Variants in TMEM132B observed in about 807,000 individuals in gnomAD.
TMEM132B encodes transmembrane protein 132B.
In TMEM132B, 18 loss-of-function variants were observed where a neutral mutation model predicts 90.8. The observed-to-expected ratio is 0.20, with a 90% CI of 0.14 to 0.29. The LOEUF (loss-of-function observed/expected upper bound fraction) is 0.29. Among genes scored for constraint, TMEM132B ranks in the 10% least tolerant of loss-of-function variants. The pLI is 1.00. For synonymous variants in TMEM132B, 504 were observed against 523.3 expected (o/e 0.96, Z 0.50); for missense variants, 1,096 against 1,326.8 (o/e 0.83, Z 2.70).
At chr12:125,206,509 A>G (rs944640054) in intron 1 of TMEM132B, among the ~76,000 whole-genome samples, 3 of 152,096 alleles carry the variant, frequency 2.0e-5, no homozygotes, top group Non-Finnish European at 2.9e-5. Context: ...AAGTGTCGGG[A>G]TTACAGGAGT....
chr12:125,645,490 TG>T (rs1292344237), intron 6 of TMEM132B, among the ~76,000 whole-genome samples: 2 of 152,166 alleles, frequency 1.3e-5, no homozygotes, highest in Non-Finnish European at 2.9e-5. Flanking sequence ...GCTTTGAAGG[TG>T]GATTGAGCCA....
chr12:125,613,762 T>G (rs1244215443), intron 5 of TMEM132B, among the ~76,000 whole-genome samples: 1 of 152,040 alleles, frequency 6.6e-6, no homozygotes, highest in Non-Finnish European at 1.5e-5. Flanking sequence ...ATTATTATAA[T>G]TAGACTTTAT....
chr12:125,505,856 C>G (rs1274773621), intron 3 of TMEM132B, among the ~76,000 whole-genome samples: 2 of 152,118 alleles, frequency 1.3e-5, no homozygotes, highest in Non-Finnish European at 2.9e-5. Context: ...CCTCAGGGCC[C>G]TGTGTGACGA....
chr12:125,433,303 C>T (rs984641338), intron 3 of TMEM132B, among the ~76,000 whole-genome samples: 6 of 152,090 alleles, frequency 3.9e-5, no homozygotes, highest in East Asian at 1.9e-4. Flanking sequence ...TGGAACGTCA[C>T]GGTCATCGGG....
Position 125,350,193 on chromosome 12 carries a change from AC to A in TMEM132B, c.812del (p.Pro271GlnfsTer6). On this transcript the variant is annotated frameshift_variant, in exon 2 of 9. Coordinates refer to ENST00000682704, the MANE Select transcript of TMEM132B (RefSeq NM_001366854.1). LOFTEE classifies it high-confidence loss of function. ...ARERIGSVVV[Y>X]PTQDDLKWSL... is the part of the protein sequence containing the mutation. ...GAGAGGATTGGGAGTGTGGTGGTCTACCCAACCCAAGATGATCTGAAGTGGT... is the reference window on the plus strand; with the variant it reads ...GAGAGGATTGGGAGTGTGGTGGTCTACCAACCCAAGATGATCTGAAGTGGT... 1 of 1,614,074 alleles carries A rather than the reference AC, an allele frequency of 6.2e-7. No individual in the cohort carries two copies. Among genetic ancestry groups the A allele is most frequent in the Non-Finnish European group, 8.5e-7 (1 of 1,179,992 alleles).
intron 4 of TMEM132B, among the ~76,000 whole-genome samples, chr12:125,560,263 A>G (rs1203778479): frequency 1.3e-5 from 2 of 152,194 alleles, no homozygotes; most frequent in African/African-American, 4.8e-5. Context: ...CAACTCCAGA[A>G]TGAAGTGGTC....
intron 3 of TMEM132B, among the ~76,000 whole-genome samples, chr12:125,505,133 G>A (rs1234713869): frequency 1.5e-5 from 1 of 65,900 alleles, no homozygotes; most frequent in Non-Finnish European, 3.0e-5. Context: ...GACATAAGAA[G>A]GAACAAGAAA....
At chr12:125,334,395 G>GACTGAAA (rs56156280) in intron 1 of TMEM132B, among the ~76,000 whole-genome samples, 82,746 of 151,634 alleles carry the variant, frequency 0.55, 24,520 homozygotes, top group African/African-American at 0.77. Context: ...GGCGAGGAAG[G>GACTGAAA]GGAGAGGAGC....
intron 4 of TMEM132B, among the ~76,000 whole-genome samples, chr12:125,555,643 A>G (rs529169308): frequency 4.3e-4 from 65 of 151,730 alleles, no homozygotes; most frequent in African/African-American, 1.5e-3. Context: ...CAGCACACCA[A>G]CATGGCACAT....
chr12:125,400,226 C>G (rs912063293), intron 2 of TMEM132B, among the ~76,000 whole-genome samples: 5 of 152,162 alleles, frequency 3.3e-5, no homozygotes, highest in Non-Finnish European at 5.9e-5. Flanking sequence ...TTGTCCAAAG[C>G]TAGACACATA....
rs1887207114 is a variant in TMEM132B at position 125,661,591 on chromosome 12, C to G, written c.*6881C>G. ...TCTGTAGTTATCCTCTGCTGTGACC[C>G]TTATTTTGGACTTCTAGCAAGGGCA... On this transcript the variant is annotated 3_prime_UTR_variant, in exon 9 of 9. Coordinates refer to ENST00000682704, the MANE Select transcript of TMEM132B (RefSeq NM_001366854.1). 1 of 152,186 alleles carries G rather than the reference C, an allele frequency of 6.6e-6. No homozygotes were observed. The highest frequency in any genetic ancestry group is 1.5e-5 in the Non-Finnish European group (1 of 68,052). 9.4% of individuals were successfully genotyped at this position (152,186 alleles called of 1,614,324 possible).
intron 2 of TMEM132B, among the ~76,000 whole-genome samples, chr12:125,367,783 C>T (rs1331976840): frequency 3.9e-5 from 6 of 152,122 alleles, no homozygotes; most frequent in African/African-American, 7.2e-5. Flanking sequence ...CTAGAGTTTA[C>T]GTAGGACCAA....
intron 5 of TMEM132B, among the ~76,000 whole-genome samples, chr12:125,626,764 C>T (rs1229691402): frequency 3.9e-5 from 6 of 152,130 alleles, no homozygotes; most frequent in African/African-American, 1.4e-4. Flanking sequence ...ATATTACATG[C>T]CTAAGTGTTT....
chr12:125,215,134 C>T (rs979821777), intron 1 of TMEM132B, among the ~76,000 whole-genome samples: 4 of 152,214 alleles, frequency 2.6e-5, no homozygotes, highest in African/African-American at 7.2e-5. Context: ...TATATAGACC[C>T]GTCATTGAAA....
intron 1 of TMEM132B, among the ~76,000 whole-genome samples, chr12:125,343,677 C>G (rs541023126): frequency 2.6e-5 from 4 of 152,218 alleles, no homozygotes; most frequent in Non-Finnish European, 5.9e-5. Flanking sequence ...TATTTTACAA[C>G]TGCTGTGATA....
chr12:125,629,630 T>C (rs1783834595), intron 5 of TMEM132B, among the ~76,000 whole-genome samples: 1 of 152,112 alleles, frequency 6.6e-6, no homozygotes, highest in Non-Finnish European at 1.5e-5. Context: ...TACTCTTTAT[T>C]TCTTTTCCTT....
At chr12:125,627,792 C>A (rs59608388) in intron 5 of TMEM132B, among the ~76,000 whole-genome samples, 17,519 of 152,014 alleles carry the variant, frequency 0.12, 1,517 homozygotes, top group Admixed American at 0.27. Flanking sequence ...ATCCATTAAC[C>A]ATCCCCACCT....
At chr12:125,546,604 A>T (rs183636641) in intron 4 of TMEM132B, among the ~76,000 whole-genome samples, 1 of 152,120 alleles carries the variant, frequency 6.6e-6, no homozygotes, top group African/African-American at 2.4e-5. Flanking sequence ...AAATTCACTT[A>T]TGTTTTTGTG....
intron 1 of TMEM132B, among the ~76,000 whole-genome samples, chr12:125,321,581 G>A (rs1422667340): frequency 6.6e-6 from 1 of 151,214 alleles, no homozygotes; most frequent in South Asian, 2.1e-4. Context: ...AGGTTCAAGC[G>A]ATTCCTCTGC....
Sources: gnomAD v4.1 joint callset for allele counts (sites outside exome capture counted in the v4.1 genomes callset) on GRCh38, gnomAD v4.1.1 for gene constraint, MANE v1.5 for transcripts, NCBI Gene and HGNC (gene_info 2026-07-23, HGNC 2026-07-21) for gene names.